Variants in SLC1A6 observed in about 807,000 individuals in gnomAD.
SLC1A6 encodes the protein excitatory amino acid transporter 4.
Under a neutral mutation model 42.1 loss-of-function variants are expected in SLC1A6, and 15 were observed. The ratio of observed to expected loss-of-function variants is 0.36; its 90% confidence interval spans 0.24 to 0.55. SLC1A6 has a LOEUF of 0.55. Ranked by LOEUF, SLC1A6 falls within the 20% of genes least tolerant of loss-of-function variation. The pLI, the probability that SLC1A6 is intolerant of heterozygous loss-of-function variation, is 0.88. For missense variants in SLC1A6, 542 were observed against 772.5 expected, an observed-to-expected ratio of 0.70 and a Z score of 3.54; for synonymous variants, 317 against 319.7, an observed-to-expected ratio of 0.99 and a Z score of 0.09.
rs767264344 is a variant in SLC1A6, at chr19:14,962,352, T to C, written c.592-7A>G. 16 of 1,601,162 alleles carry C rather than the reference T, an allele frequency of 1.0e-5. No homozygotes were observed. The highest frequency in any genetic ancestry group is 1.7e-4 in the Middle Eastern group (1 of 6,002). On this transcript the variant is annotated splice_region_variant and splice_polypyrimidine_tract_variant and intron_variant, in intron 5 of 9. Transcript: ENST00000594383. ...TGCTGTACTGCGTCTTGAACTGAAA[T>C]AGAGAGAGATTGCGCCCAGATTCAA...
intron 7 of SLC1A6, among the ~76,000 whole-genome samples, chr19:14,955,635 GA>G (rs1038424524): frequency 3.5e-5 from 4 of 114,088 alleles, no homozygotes; most frequent in South Asian, 2.3e-4. Flanking sequence ...AAAAGAAAAA[GA>G]AAAAAAAGAT....
chr19:15,002,696 C>T (rs371918728), intron 1 of SLC1A6, among the ~76,000 whole-genome samples: 1 of 151,988 alleles, frequency 6.6e-6, no homozygotes, highest in Non-Finnish European at 1.5e-5. Flanking sequence ...GGGTGGATGG[C>T]GGACAACCAG....
At chr19:14,989,764 T>G (rs201653540) in intron 1 of SLC1A6, among the ~76,000 whole-genome samples, 1 of 18,042 alleles carries the variant, frequency 5.5e-5, no homozygotes, top group Non-Finnish European at 9.8e-5. Flanking sequence ...GGGGGTGGGG[T>G]GTGGATCACC....
chr19:14,973,191 A>G, intron 1 of SLC1A6: 1 of 468,426 alleles, frequency 2.1e-6, no homozygotes, highest in Non-Finnish European at 3.8e-6. Context: ...ACTTGAGCCC[A>G]AGAGTTCAAG....
chr19:14,987,576 G>A (rs113584636), intron 1 of SLC1A6, among the ~76,000 whole-genome samples: 3,278 of 152,198 alleles, frequency 0.022, 133 homozygotes, highest in African/African-American at 0.074. Flanking sequence ...GTGAATGTCC[G>A]AGTGCGCAGG....
At chr19:14,953,210 G>A (rs1179532129) in intron 8 of SLC1A6, 148 bp from the exon 9 acceptor site, 2 of 628,090 alleles carry the variant, frequency 3.2e-6, no homozygotes, top group African/African-American at 3.7e-5. Flanking sequence ...GAAAAATACT[G>A]CTTGATGCCT....
intron 7 of SLC1A6, among the ~76,000 whole-genome samples, chr19:14,956,173 CA>C (rs2045461239): frequency 6.6e-6 from 1 of 152,204 alleles, no homozygotes; most frequent in African/African-American, 2.4e-5. Context: ...GTGGAGATGA[CA>C]CCCTCTGAGC....
chr19:14,989,331 G>A (rs1255335416), intron 1 of SLC1A6, among the ~76,000 whole-genome samples: 2 of 152,012 alleles, frequency 1.3e-5, no homozygotes, highest in Non-Finnish European at 1.5e-5. Context: ...GCGTGATCTC[G>A]GCTCACTGCA....
At chr19:14,982,237 G>A (rs1180909393), upstream of SLC1A6, among the ~76,000 whole-genome samples, 2 of 152,146 alleles carry the variant, frequency 1.3e-5, no homozygotes, top group African/African-American at 2.4e-5. Context: ...TAATAATAAT[G>A]TATCCATATT....
intron 3 of SLC1A6, 126 bp from the exon 4 acceptor site, chr19:14,968,633 A>G (rs1453525546): frequency 1.1e-5 from 9 of 784,034 alleles, no homozygotes; most frequent in Non-Finnish European, 1.8e-5. Context: ...CTTTTCCTAT[A>G]GCCCACCCCA....
rs761580130 is a variant in SLC1A6 at position 14,950,177 on chromosome 19, G to A, written c.*18C>T. The A allele has an allele frequency of 6.7e-6, 10 of 1,496,548 alleles. No individual in the cohort carries two copies. Among genetic ancestry groups the A allele is most frequent in the South Asian group, 1.4e-5 (1 of 73,062 alleles). 92.7% of individuals were successfully genotyped at this position (1,496,548 alleles called of 1,614,324 possible). A position where few individuals can be genotyped will look rare whatever the true frequency, so the allele number is the denominator to read the frequency against. On this transcript the variant is annotated 3_prime_UTR_variant, in exon 10 of 10. Coordinates refer to ENST00000594383, the MANE Select transcript of SLC1A6 (RefSeq NM_005071.3). ...AGCCCCCTTCCCTCCTCTCTGGGGG[G>A]GCAGAGCTGGAGGCCCCTCACATAG...
At chr19:15,009,286 T>C (rs2045913216) in intron 1 of SLC1A6, among the ~76,000 whole-genome samples, 1 of 84,546 alleles carries the variant, frequency 1.2e-5, no homozygotes, top group Admixed American at 1.3e-4. Flanking sequence ...ATAAATATCA[T>C]ATATATGCTC....
At chr19:14,954,926 G>A (rs919459684) in intron 7 of SLC1A6, among the ~76,000 whole-genome samples, 5 of 152,178 alleles carry the variant, frequency 3.3e-5, no homozygotes, top group African/African-American at 4.8e-5. Flanking sequence ...CCAAAGGTCT[G>A]CTGACTTCAG....
Position 14,954,365 on chromosome 19 carries a change from G to A in SLC1A6, c.1170-36C>T, listed in dbSNP as rs773145746. 4 of 1,581,646 alleles carry A rather than the reference G, an allele frequency of 2.5e-6. No individual in the cohort carries two copies. The South Asian group carries it at 4.4e-5, about 18-fold the overall frequency. The stretch of plus-strand genomic sequence containing the variant: ...GAGCCCAGGACTGAGGATGGGGCGT[G>A]GCCTGGTGGGGGCGGGGCTGGGAAC... On this transcript the variant is annotated intron_variant, in intron 7 of 9. Transcript: ENST00000594383.
intron 5 of SLC1A6, among the ~76,000 whole-genome samples, chr19:14,962,556 C>T (rs1375995674): frequency 6.6e-6 from 1 of 152,014 alleles, no homozygotes; most frequent in African/African-American, 2.4e-5. Context: ...GAAGAATGAG[C>T]GAATGAATCA....
At chr19:14,966,077 G>A (rs1328530609) in intron 4 of SLC1A6, among the ~76,000 whole-genome samples, 1 of 152,004 alleles carries the variant, frequency 6.6e-6, no homozygotes, top group Non-Finnish European at 1.5e-5. Context: ...CTGCACATTA[G>A]GTACAATGTA....
chr19:14,951,275 A>AAAGAG (rs1599975208), intron 9 of SLC1A6, among the ~76,000 whole-genome samples: 1 of 132,678 alleles, frequency 7.5e-6, no homozygotes, highest in African/African-American at 2.8e-5. Flanking sequence ...AAAAAAAAAA[A>AAAGAG]AAAGAAAGAA....
At chr19:14,960,309 T>A (rs1291960965) in intron 6 of SLC1A6, among the ~76,000 whole-genome samples, 1 of 152,190 alleles carries the variant, frequency 6.6e-6, no homozygotes, top group East Asian at 1.9e-4. Flanking sequence ...TGAATTAGAA[T>A]GAATAAATGA....
chr19:14,952,893 C>CAGG, intron 9 of SLC1A6, 35 bp downstream of exon 9: 1 of 1,605,040 alleles, frequency 6.2e-7, no homozygotes. Context: ...TGTGCAGAAG[C>CAGG]AGGAGCACCA....
Sources: allele counts gnomAD v4.1 joint callset (sites outside exome capture counted in the v4.1 genomes callset), GRCh38; gene constraint gnomAD v4.1.1; transcripts MANE v1.5; gene names NCBI Gene and HGNC (gene_info 2026-07-23, HGNC 2026-07-21).